The following COL19A1 variants were observed in gnomAD, a reference collection of about 807,000 sequenced individuals.
COL19A1 encodes collagen type XIX alpha 1 chain.
Under a neutral mutation model 190.2 loss-of-function variants are expected in COL19A1, and 159 were observed. That is an observed-to-expected ratio of 0.84 (90% CI 0.73 to 0.95). The LOEUF is 0.95. COL19A1 is among the 40% of genes least tolerant of loss of function. The pLI, the probability that COL19A1 is intolerant of heterozygous loss-of-function variation, is 0.00. For missense variants in COL19A1, 1,418 were observed against 1,431.9 expected (o/e 0.99, Z 0.16); for synonymous variants, 509 against 458.9 (o/e 1.11, Z -1.39).
intron 1 of COL19A1, among the ~76,000 whole-genome samples, 185 bp from the exon 2 acceptor site, chr6:69,879,351 A>G (rs1160120737): frequency 6.6e-6 from 1 of 152,234 alleles, no homozygotes; most frequent in African/African-American, 2.4e-5. Context: ...AAATCTTTTC[A>G]GAGCCCTTAT....
At chr6:70,077,009 T>G (rs1781922679) in intron 15 of COL19A1, among the ~76,000 whole-genome samples, 1 of 151,666 alleles carries the variant, frequency 6.6e-6, no homozygotes, top group Non-Finnish European at 1.5e-5. Context: ...TAATCACAAG[T>G]TATTAATCAA....
At chr6:70,004,577 A>T (rs547061492) in intron 11 of COL19A1, among the ~76,000 whole-genome samples, 1 of 151,982 alleles carries the variant, frequency 6.6e-6, no homozygotes, top group Admixed American at 6.5e-5. Flanking sequence ...ATTCCTTTTC[A>T]TTCTTTTTCT....
At chr6:70,076,712 C>T (rs562565339) in intron 15 of COL19A1, among the ~76,000 whole-genome samples, 17 of 152,102 alleles carry the variant, frequency 1.1e-4, no homozygotes, top group Non-Finnish European at 2.2e-4. Flanking sequence ...GGGATTAAGC[C>T]GGAAGCACTT....
intron 11 of COL19A1, among the ~76,000 whole-genome samples, chr6:69,964,802 AGATAT>A (rs1272016039): frequency 6.6e-6 from 1 of 152,220 alleles, no homozygotes; most frequent in African/African-American, 2.4e-5. Flanking sequence ...ATTTATAGTC[AGATAT>A]AAGATTCATG....
chr6:69,986,339 G>A (rs1288029077), intron 11 of COL19A1, among the ~76,000 whole-genome samples: 3 of 150,982 alleles, frequency 2.0e-5, no homozygotes, highest in South Asian at 2.1e-4. Context: ...TGAGGTTATT[G>A]ATTGTTAGTT....
intron 16 of COL19A1, among the ~76,000 whole-genome samples, chr6:70,107,292 G>A (rs908323057): frequency 1.3e-5 from 2 of 152,138 alleles, no homozygotes; most frequent in Non-Finnish European, 2.9e-5. Context: ...GCACTATCCT[G>A]ACTCCAGACA....
chr6:70,083,897 G>A (rs921533435), intron 15 of COL19A1, among the ~76,000 whole-genome samples: 6 of 151,940 alleles, frequency 3.9e-5, no homozygotes, highest in Admixed American at 3.9e-4. Flanking sequence ...CAACCAGTAG[G>A]GCTAAAACTG....
At chr6:70,049,954 G>T (rs1346190489) in intron 14 of COL19A1, among the ~76,000 whole-genome samples, 2 of 151,936 alleles carry the variant, frequency 1.3e-5, no homozygotes, top group African/African-American at 2.4e-5. Flanking sequence ...AAAATGATTG[G>T]TCTCTAAAAA....
At chr6:70,096,714 T>G (rs532514187) in intron 15 of COL19A1, among the ~76,000 whole-genome samples, 2 of 152,296 alleles carry the variant, frequency 1.3e-5, no homozygotes, top group Admixed American at 6.5e-5. Flanking sequence ...TATAAGGTGC[T>G]CTACAGGATT....
At chr6:70,071,531 T>G (rs1287810704) in intron 15 of COL19A1, among the ~76,000 whole-genome samples, 1 of 152,182 alleles carries the variant, frequency 6.6e-6, no homozygotes. Context: ...CTCAACTTCC[T>G]GATTTTCATT....
chr6:69,884,707 G>GGA (rs1443145938), intron 2 of COL19A1, among the ~76,000 whole-genome samples: 2 of 152,102 alleles, frequency 1.3e-5, no homozygotes, highest in Admixed American at 1.3e-4. Flanking sequence ...AACTCCTCTT[G>GGA]GATGACTATG....
intron 11 of COL19A1, among the ~76,000 whole-genome samples, chr6:69,995,079 T>G (rs1211363228): frequency 6.6e-6 from 1 of 152,190 alleles, no homozygotes; most frequent in Non-Finnish European, 1.5e-5. Context: ...ACTCAGCTAA[T>G]CTGAAAATAA....
At chr6:69,895,909 A>G (rs150455663) in intron 2 of COL19A1, among the ~76,000 whole-genome samples, 1 of 152,276 alleles carries the variant, frequency 6.6e-6, no homozygotes, top group East Asian at 1.9e-4. Context: ...GTTTTAGACT[A>G]TTATGTGTAA....
At chr6:69,969,592 A>G (rs1201226645) in intron 11 of COL19A1, among the ~76,000 whole-genome samples, 2 of 152,262 alleles carry the variant, frequency 1.3e-5, no homozygotes, top group Non-Finnish European at 1.5e-5. Flanking sequence ...AATAAAAAAC[A>G]ATATAATCTA....
At chr6:69,950,673 G>GCC (rs1774072240) in intron 9 of COL19A1, among the ~76,000 whole-genome samples, 1 of 104,542 alleles carries the variant, frequency 9.6e-6, no homozygotes, top group South Asian at 4.0e-4. Context: ...CATGAATGCA[G>GCC]CCACACACAC....
At chr6:70,018,654 G>A (rs1020559681) in intron 11 of COL19A1, among the ~76,000 whole-genome samples, 3 of 152,092 alleles carry the variant, frequency 2.0e-5, no homozygotes, top group African/African-American at 4.8e-5. Flanking sequence ...GATTTGAGAG[G>A]GAGCTCAGGA....
At chr6:69,993,716 T>G (rs1032315527) in intron 11 of COL19A1, among the ~76,000 whole-genome samples, 1 of 152,162 alleles carries the variant, frequency 6.6e-6, no homozygotes, top group African/African-American at 2.4e-5. Flanking sequence ...TTTACCTATT[T>G]CTTCTAGATT....
At chr6:69,973,016 G>A (rs933384640) in intron 11 of COL19A1, among the ~76,000 whole-genome samples, 1 of 152,082 alleles carries the variant, frequency 6.6e-6, no homozygotes, top group Admixed American at 6.5e-5. Flanking sequence ...TGTAATTTAA[G>A]TACAAATAAA....
chr6:70,121,294 C>T (rs1242439791), intron 16 of COL19A1, among the ~76,000 whole-genome samples: 1 of 152,114 alleles, frequency 6.6e-6, no homozygotes, highest in Non-Finnish European at 1.5e-5. Context: ...CACTCCAAGC[C>T]CAGCATAGTG....
Sources: allele counts gnomAD v4.1 joint callset (sites outside exome capture counted in the v4.1 genomes callset), GRCh38; gene constraint gnomAD v4.1.1; transcripts MANE v1.5; gene names NCBI Gene and HGNC (gene_info 2026-07-23, HGNC 2026-07-21).